FMN2: variants seen among roughly 807,000 people sequenced by gnomAD.
FMN2 encodes the protein formin 2.
In FMN2, 51 loss-of-function variants were observed where a neutral mutation model predicts 142.3. The ratio of observed to expected loss-of-function variants is 0.36; its 90% CI spans 0.29 to 0.45. The LOEUF is 0.45. Among genes scored for constraint, FMN2 ranks in the 20% least tolerant of loss-of-function variants. FMN2 has a pLI of 1.00. For missense variants in FMN2, 1,936 were observed against 2,122.8 expected, an observed-to-expected ratio of 0.91 and a Z score of 1.73; for synonymous variants, 882 against 869.8, an observed-to-expected ratio of 1.01 and a Z score of -0.25.
intron 6 of FMN2, 58 bp from the exon 7 acceptor site, chr1:240,257,887 A>G (rs532773140): frequency 2.0e-5 from 28 of 1,370,550 alleles, no homozygotes; most frequent in Non-Finnish European, 2.7e-5. Context: ...TTAAAATGCT[A>G]GTAAGCATAT....
intron 15 of FMN2, among the ~76,000 whole-genome samples, chr1:240,428,091 C>T (rs966016890): frequency 3.9e-5 from 6 of 152,122 alleles, no homozygotes; most frequent in African/African-American, 7.2e-5. Context: ...AAATAATGAG[C>T]GGTGTCGCTA....
At chr1:240,142,500 T>TTTATTTATA (rs1553331235) in intron 2 of FMN2, among the ~76,000 whole-genome samples, 5 of 150,796 alleles carry the variant, frequency 3.3e-5, no homozygotes, top group Non-Finnish European at 7.4e-5. Context: ...TTTATTTATA[T>TTTATTTATA]TTTTTGGGGG....
At chr1:240,310,754 G>A (rs1293297769) in intron 8 of FMN2, among the ~76,000 whole-genome samples, 2 of 152,150 alleles carry the variant, frequency 1.3e-5, no homozygotes, top group Non-Finnish European at 2.9e-5. Context: ...ATAGGAAGCA[G>A]TAGACTGTGG....
chr1:240,110,905 A>T (rs1471440505), intron 1 of FMN2, among the ~76,000 whole-genome samples: 1 of 151,636 alleles, frequency 6.6e-6, no homozygotes, highest in African/African-American at 2.4e-5. Flanking sequence ...AAGGAAAAAA[A>T]CCCAAAACTT....
chr1:240,330,827 A>G, intron 11 of FMN2, 78 bp downstream of exon 11: 1 of 1,510,442 alleles, frequency 6.6e-7, no homozygotes, highest in Non-Finnish European at 8.9e-7. Context: ...AATGTAAAGC[A>G]GTTGTAAAAA....
intron 1 of FMN2, among the ~76,000 whole-genome samples, chr1:240,096,499 A>C (rs996568281): frequency 4.6e-5 from 7 of 152,096 alleles, no homozygotes; most frequent in Non-Finnish European, 1.0e-4. Context: ...ATCTGCCACT[A>C]CGTTTGCTTC....
In FMN2 at chr1:240,158,123, A is replaced by AT. The variant is rs201295574; in HGVS notation, c.1783-19789dup. Among the ~76,000 whole-genome samples the AT allele has an allele frequency of 8.4e-3, 1,270 of 150,748 alleles. 24 individuals carry two copies. The highest frequency in any genetic ancestry group is 0.03 in the African/African-American group (1,221 of 41,106). On this transcript the variant is annotated intron_variant, in intron 2 of 17. Transcript: ENST00000319653. ...ATCCCCATAAGATCCTACCTCTCTC[A>AT]TTTTTTTTTCTTGCAGCTGGATAAT...
At chr1:240,352,786 C>G (rs995504248) in intron 13 of FMN2, among the ~76,000 whole-genome samples, 1 of 152,110 alleles carries the variant, frequency 6.6e-6, no homozygotes, top group South Asian at 2.1e-4. Flanking sequence ...TTAAGTATAT[C>G]CTTAATATGC....
At chr1:240,341,752 A>G (rs77458399) in intron 13 of FMN2, among the ~76,000 whole-genome samples, 1,763 of 152,210 alleles carry the variant, frequency 0.012, 16 homozygotes, top group South Asian at 0.024. Flanking sequence ...CCAAGTCACA[A>G]TCAAAGCTTC....
At chr1:240,306,387 A>C (rs1043478806) in intron 8 of FMN2, among the ~76,000 whole-genome samples, 1 of 152,214 alleles carries the variant, frequency 6.6e-6, no homozygotes, top group Non-Finnish European at 1.5e-5. Flanking sequence ...GAAGCTGAAC[A>C]TAGTATCCAA....
At chr1:240,240,272 C>T (rs1242826012) in intron 6 of FMN2, among the ~76,000 whole-genome samples, 1 of 152,110 alleles carries the variant, frequency 6.6e-6, no homozygotes, top group East Asian at 1.9e-4. Flanking sequence ...GGATATGTGA[C>T]CTTGAACAGC....
At chr1:240,270,007 T>G (rs1365004550) in intron 7 of FMN2, among the ~76,000 whole-genome samples, 1 of 152,056 alleles carries the variant, frequency 6.6e-6, no homozygotes, top group Admixed American at 6.6e-5. Flanking sequence ...CTTTTCTATC[T>G]GAATGCCTTT....
At chr1:240,165,149 A>C (rs552046767) in intron 2 of FMN2, among the ~76,000 whole-genome samples, 1 of 152,238 alleles carries the variant, frequency 6.6e-6, no homozygotes, top group East Asian at 1.9e-4. Flanking sequence ...TTTTAAAATT[A>C]TTTCTAGTTA....
At chr1:240,430,926 T>C (rs146808035) in intron 15 of FMN2, among the ~76,000 whole-genome samples, 1 of 151,800 alleles carries the variant, frequency 6.6e-6, no homozygotes, top group African/African-American at 2.4e-5. Flanking sequence ...TCTTTTTTGC[T>C]ATTTCATATG....
rs141580747 is a variant in FMN2, at chr1:240,395,794, G to A, written c.4910+3232G>A. Among the ~76,000 whole-genome samples, 196 of 152,284 alleles carry A rather than the reference G, an allele frequency of 1.3e-3. 1 individual carries two copies. The highest frequency in any genetic ancestry group is 4.6e-3 in the African/African-American group (190 of 41,570). ...GGTGGAATCTACTCGTGGTTAAGAT[G>A]CTATGAACGTTGTTGAAATCACAAC... On this transcript the variant is annotated intron_variant, in intron 15 of 17. Coordinates refer to ENST00000319653, the MANE Select transcript of FMN2 (RefSeq NM_020066.5).
chr1:240,231,851 ATCC>A (rs1667535964), intron 6 of FMN2, among the ~76,000 whole-genome samples: 1 of 152,200 alleles, frequency 6.6e-6, no homozygotes, highest in South Asian at 2.1e-4. Context: ...CGGTCTTATC[ATCC>A]TCTGAGTTTA....
At chr1:240,240,017 A>G (rs1351748069) in intron 6 of FMN2, among the ~76,000 whole-genome samples, 1 of 152,212 alleles carries the variant, frequency 6.6e-6, no homozygotes, top group Admixed American at 6.5e-5. Flanking sequence ...CTTACCGTCT[A>G]AGGTTTGCTT....
intron 15 of FMN2, among the ~76,000 whole-genome samples, chr1:240,433,885 T>C (rs2103169244): frequency 6.6e-6 from 1 of 152,322 alleles, no homozygotes; most frequent in East Asian, 1.9e-4. Flanking sequence ...TCTTTGTAGG[T>C]CTGTTAGCTT....
intron 15 of FMN2, among the ~76,000 whole-genome samples, chr1:240,426,309 T>TA (rs11369353): frequency 0.75 from 113,097 of 151,714 alleles, 43,801 homozygotes; most frequent in Middle Eastern, 0.85. Context: ...TCTTTTCAAG[T>TA]AAAAAAAATC....
Sources: gnomAD v4.1 joint callset for allele counts (sites outside exome capture counted in the v4.1 genomes callset) on GRCh38, gnomAD v4.1.1 for gene constraint, MANE v1.5 for transcripts, NCBI Gene and HGNC (gene_info 2026-07-23, HGNC 2026-07-21) for gene names.